SLC16A7: variants seen among roughly 807,000 people sequenced by gnomAD.
SLC16A7 encodes monocarboxylate transporter 2.
Under a neutral mutation model 34.9 loss-of-function variants are expected in SLC16A7, and 33 were observed. The observed-to-expected ratio is 0.94, with a 90% CI of 0.72 to 1.26. The LOEUF (loss-of-function observed/expected upper bound fraction) is 1.26. SLC16A7 is among the 50% of genes most tolerant of loss of function. The pLI, the probability that SLC16A7 is intolerant of heterozygous loss-of-function variation, is 0.00. For synonymous variants in SLC16A7, 201 were observed against 206.6 expected (o/e 0.97, Z 0.23); for missense variants, 573 against 578.1 (o/e 0.99, Z 0.09).
intron 5 of SLC16A7, among the ~76,000 whole-genome samples, chr12:59,779,113 A>AAAT (rs1883032009): frequency 6.6e-6 from 1 of 152,096 alleles, no homozygotes; most frequent in Non-Finnish European, 1.5e-5. Context: ...ATAGATATAA[A>AAAT]AATATACCTC....
At chr12:59,728,690 A>T (rs945246708) in intron 3 of SLC16A7, among the ~76,000 whole-genome samples, 3 of 152,156 alleles carry the variant, frequency 2.0e-5, no homozygotes, top group African/African-American at 7.2e-5. Flanking sequence ...GTGCCACTGC[A>T]CTCCAGCCTG....
At chr12:59,651,149 A>AAT (rs1386838204) in intron 1 of SLC16A7, among the ~76,000 whole-genome samples, 1 of 152,138 alleles carries the variant, frequency 6.6e-6, no homozygotes, top group Non-Finnish European at 1.5e-5. Context: ...TTAATTTTCA[A>AAT]TACACCACTA....
chr12:59,710,801 T>C (rs1295764991), intron 3 of SLC16A7, among the ~76,000 whole-genome samples: 2 of 152,194 alleles, frequency 1.3e-5, no homozygotes, highest in Non-Finnish European at 2.9e-5. Context: ...AGAAACCTGA[T>C]ACAGATACCC....
chr12:59,681,212 A>T (rs890647773), intron 2 of SLC16A7, among the ~76,000 whole-genome samples: 1 of 152,148 alleles, frequency 6.6e-6, no homozygotes, highest in Admixed American at 6.6e-5. Flanking sequence ...GTTCTTAATC[A>T]CCTATCCCCT....
intron 3 of SLC16A7, among the ~76,000 whole-genome samples, chr12:59,708,507 A>T (rs1252362872): frequency 6.6e-6 from 1 of 152,210 alleles, no homozygotes; most frequent in East Asian, 1.9e-4. Context: ...ATTATAAAAA[A>T]AATTTGGAGA....
At chr12:59,669,895 A>G (rs937859415) in intron 2 of SLC16A7, among the ~76,000 whole-genome samples, 1 of 152,192 alleles carries the variant, frequency 6.6e-6, no homozygotes, top group Non-Finnish European at 1.5e-5. Context: ...TTCCTTGTCT[A>G]GTGTGAGAAT....
intron 3 of SLC16A7, among the ~76,000 whole-genome samples, chr12:59,705,461 G>A (rs1424328860): frequency 6.6e-6 from 1 of 152,086 alleles, no homozygotes. Flanking sequence ...AAAATGAAGG[G>A]TTAACATGTA....
intron 3 of SLC16A7, among the ~76,000 whole-genome samples, chr12:59,721,350 G>T (rs890894379): frequency 7.2e-5 from 11 of 151,738 alleles, no homozygotes; most frequent in Admixed American, 2.0e-4. Flanking sequence ...CTTCTTTCCT[G>T]TATCAGTATC....
chr12:59,788,799 A>T lies in SLC16A7; in HGVS notation c.*9120A>T, dbSNP rs1489079826. ...AGAACTGGCATTTTCATATGGATACATATTTTGCTTAAACTAAATAAAATA... is the reference window on the plus strand; with the variant it reads ...AGAACTGGCATTTTCATATGGATACTTATTTTGCTTAAACTAAATAAAATA... On this transcript the variant is annotated 3_prime_UTR_variant, in exon 6 of 6. Coordinates refer to ENST00000547379, the MANE Select transcript of SLC16A7 (RefSeq NM_001270623.2). 6.6e-6 allele frequency: 1 copy of T among 152,082 alleles called. No homozygotes were observed. The highest frequency in any genetic ancestry group is 2.4e-5 in the African/African-American group (1 of 41,466). 9.4% of individuals were successfully genotyped at this position (152,082 alleles called of 1,614,324 possible). A position where few individuals can be genotyped will look rare whatever the true frequency, so the allele number is the denominator to read the frequency against.
At chr12:59,617,333 T>C (rs1879500082) in intron 1 of SLC16A7, among the ~76,000 whole-genome samples, 3 of 152,148 alleles carry the variant, frequency 2.0e-5, no homozygotes, top group Admixed American at 1.3e-4. Context: ...CAATCTATAG[T>C]CTATATTCAG....
intron 2 of SLC16A7, among the ~76,000 whole-genome samples, chr12:59,675,392 C>A (rs1870224698): frequency 6.6e-6 from 1 of 152,130 alleles, no homozygotes; most frequent in African/African-American, 2.4e-5. Context: ...TCACTCTTTT[C>A]TTGGACAGAG....
chr12:59,679,748 A>G (rs1004655670), intron 2 of SLC16A7, among the ~76,000 whole-genome samples: 1 of 152,228 alleles, frequency 6.6e-6, no homozygotes, highest in Non-Finnish European at 1.5e-5. Context: ...TACCAAATAA[A>G]TATTTGATGA....
rs1883362916 is a variant in SLC16A7, at chr12:59,783,106, A to G, written c.*3427A>G. On this transcript the variant is annotated 3_prime_UTR_variant, in exon 6 of 6. Coordinates refer to ENST00000547379, the MANE Select transcript of SLC16A7 (RefSeq NM_001270623.2). ...GTAAGTTTTTATGTAGATGACATAA[A>G]TATGAAGAGATATTCTTGGTCAGTT... 1 of 152,208 alleles carries G rather than the reference A, an allele frequency of 6.6e-6. No individual in the cohort carries two copies. Among genetic ancestry groups the G allele is most frequent in the African/African-American group, 2.4e-5 (1 of 41,466 alleles). 9.4% of individuals were successfully genotyped at this position (152,208 alleles called of 1,614,324 possible).
chr12:59,629,241 G>A (rs1177908159), intron 1 of SLC16A7, among the ~76,000 whole-genome samples: 2 of 151,748 alleles, frequency 1.3e-5, no homozygotes, highest in Non-Finnish European at 2.9e-5. Flanking sequence ...TGGGAATTAG[G>A]CCTTAAAAAT....
chr12:59,704,960 T>A lies in SLC16A7; in HGVS notation c.159T>A (p.Thr53=), dbSNP rs376184979. 6.2e-6 allele frequency: 10 copies of A among 1,613,672 alleles called. No homozygotes were observed. The African/African-American group carries it at 9.3e-5, about 15-fold the overall frequency. The change falls in exon 3 of 6, where the codon ACT becomes ACA. Residue 53 remains threonine (T), a synonymous_variant. Transcript: ENST00000547379. The stretch of plus-strand genomic sequence containing the variant: ...AAGAAATTCAGCAAATATTCCACAC[T>A]ACCTACAGTGAAATAGCATGGATTT... ...FFKEIQQIFH[T]TYSEIAWISS... is the part of the protein sequence containing the mutation.
chr12:59,759,630 T>C (rs906471828), intron 3 of SLC16A7, among the ~76,000 whole-genome samples: 1 of 152,066 alleles, frequency 6.6e-6, no homozygotes, highest in African/African-American at 2.4e-5. Flanking sequence ...ATCTTTCTTG[T>C]GATTTATGTT....
intron 2 of SLC16A7, among the ~76,000 whole-genome samples, chr12:59,702,289 G>A (rs959314020): frequency 2.6e-5 from 4 of 151,736 alleles, no homozygotes; most frequent in African/African-American, 9.7e-5. Context: ...CACATGTGCT[G>A]TAAACTCATC....
intron 2 of SLC16A7, among the ~76,000 whole-genome samples, chr12:59,658,047 C>G (rs1868628548): frequency 6.6e-6 from 1 of 151,962 alleles, no homozygotes; most frequent in Admixed American, 6.6e-5. Context: ...AAAATACATT[C>G]CTTACACAGA....
In SLC16A7 at chr12:59,784,707, C is replaced by T. The variant is rs983689396; in HGVS notation, c.*5028C>T. The T allele has an allele frequency of 6.6e-6, 1 of 152,164 alleles. No homozygotes were observed. The highest frequency in any genetic ancestry group is 2.4e-5 in the African/African-American group (1 of 41,432). The allele number at this position is 152,164 out of a possible 1,614,324, so 9.4% of individuals were successfully genotyped here. On this transcript the variant is annotated 3_prime_UTR_variant, in exon 6 of 6. Coordinates refer to ENST00000547379, the MANE Select transcript of SLC16A7 (RefSeq NM_001270623.2). ...TCTCCTTAGCTCTATTCAAATAGTG[C>T]ACTTGCAAGGCGCTGCATTCTTCTC...
Sources: gnomAD v4.1 joint callset for allele counts (sites outside exome capture counted in the v4.1 genomes callset) on GRCh38, gnomAD v4.1.1 for gene constraint, MANE v1.5 for transcripts, NCBI Gene and HGNC (gene_info 2026-07-23, HGNC 2026-07-21) for gene names.